PDE4B: variants seen among roughly 807,000 people sequenced by gnomAD.
PDE4B encodes the protein phosphodiesterase 4B.
PDE4B carries 20 observed loss-of-function variants against 82.2 expected under a neutral mutation model. The observed-to-expected ratio is 0.24, with a 90% CI of 0.17 to 0.35. The LOEUF is 0.35. PDE4B is among the 10% of genes least tolerant of loss of function. PDE4B has a pLI of 1.00. For synonymous variants in PDE4B, 320 were observed against 318.9 expected, an observed-to-expected ratio of 1.00 and a Z score of -0.04; for missense variants, 655 against 907.2, an observed-to-expected ratio of 0.72 and a Z score of 3.57.
intron 3 of PDE4B, among the ~76,000 whole-genome samples, chr1:66,087,309 G>A (rs530592404): frequency 1.2e-4 from 19 of 152,196 alleles, no homozygotes; most frequent in African/African-American, 4.6e-4. Context: ...AGAGTTTACG[G>A]CAATATCCTT....
intron 13 of PDE4B, among the ~76,000 whole-genome samples, chr1:66,366,544 T>C (rs1026387373): frequency 1.3e-5 from 2 of 152,222 alleles, no homozygotes; most frequent in African/African-American, 4.8e-5. Flanking sequence ...CTTTTTGAGC[T>C]ACTTGCTGTA....
intron 3 of PDE4B, among the ~76,000 whole-genome samples, chr1:66,155,294 T>C (rs1262577713): frequency 6.6e-6 from 1 of 152,072 alleles, no homozygotes; most frequent in Non-Finnish European, 1.5e-5. Context: ...TGCTCCTCTT[T>C]CCCTATATGT....
chr1:65,851,783 A>C (rs1056240859), intron 1 of PDE4B, among the ~76,000 whole-genome samples: 12 of 151,548 alleles, frequency 7.9e-5, no homozygotes, highest in East Asian at 1.9e-4. Flanking sequence ...CTCTTTTCTC[A>C]CCTTGCTGCT....
At chr1:65,880,227 G>C (rs1198465867) in intron 1 of PDE4B, among the ~76,000 whole-genome samples, 2 of 152,186 alleles carry the variant, frequency 1.3e-5, no homozygotes, top group Non-Finnish European at 2.9e-5. Context: ...CACCTCTGCT[G>C]CTTCATGACG....
At chr1:66,369,427 C>G (rs374381354) in intron 16 of PDE4B, among the ~76,000 whole-genome samples, 7 of 152,314 alleles carry the variant, frequency 4.6e-5, no homozygotes, top group African/African-American at 1.7e-4. Context: ...AGTCAAAGCC[C>G]TGTCTTGTCT....
chr1:66,142,197 G>C (rs1477589984), intron 3 of PDE4B, among the ~76,000 whole-genome samples: 1 of 152,062 alleles, frequency 6.6e-6, no homozygotes, highest in Non-Finnish European at 1.5e-5. Context: ...GGAAGGGGGT[G>C]GTCTTGCTGT....
chr1:65,974,652 G>T (rs893280690), intron 3 of PDE4B, among the ~76,000 whole-genome samples: 10 of 152,126 alleles, frequency 6.6e-5, no homozygotes, highest in African/African-American at 2.4e-4. Context: ...GAATCATGGG[G>T]GTGGAATTTC....
Position 66,266,073 on chromosome 1 carries a change from G to T in PDE4B, c.620G>T (p.Arg207Ile). 6.2e-7 allele frequency: 1 copy of T among 1,612,922 alleles called. No individual in the cohort carries two copies. The highest frequency in any genetic ancestry group is 1.1e-5 in the South Asian group (1 of 91,060). The change falls in exon 7 of 17, where the codon AGA (arginine) becomes ATA (isoleucine). Residue 207 changes from arginine to isoleucine, a missense_variant. Arg to Ile is a moderately conservative substitution (Grantham distance 97). Around this residue, in one of 3 missense-constraint regions of PDE4B, gnomAD observed 253 missense variants for 275.6 expected, o/e 0.92. Transcript: ENST00000341517. ...SPAASQPPVSRVNPQEESYQK... is the reference protein window; with the variant it reads ...SPAASQPPVSIVNPQEESYQK... ...GCTGCTAGTCAGCCTCCTGTCTCCA[G>T]AGTCAACCCACAAGGTAGGCCATGT...
intron 3 of PDE4B, among the ~76,000 whole-genome samples, chr1:66,082,268 C>T (rs1376611005): frequency 6.6e-6 from 1 of 152,074 alleles, no homozygotes; most frequent in East Asian, 1.9e-4. Context: ...GAACAAGGAG[C>T]CTCCTTTGTT....
chr1:65,951,854 G>C (rs912324647), intron 3 of PDE4B, among the ~76,000 whole-genome samples: 5 of 151,976 alleles, frequency 3.3e-5, no homozygotes, highest in African/African-American at 9.7e-5. Flanking sequence ...AAAATTCCAA[G>C]TATAATTCTA....
intron 7 of PDE4B, among the ~76,000 whole-genome samples, chr1:66,304,295 C>T (rs776332303): frequency 1.2e-4 from 18 of 152,096 alleles, no homozygotes; most frequent in African/African-American, 4.1e-4. Context: ...CAAAAGAGCA[C>T]GACTGGGTTC....
intron 3 of PDE4B, among the ~76,000 whole-genome samples, chr1:66,180,029 A>G (rs1356440984): frequency 6.6e-6 from 1 of 152,222 alleles, no homozygotes; most frequent in Non-Finnish European, 1.5e-5. Context: ...TCTAATGCTC[A>G]TGGATTCATT....
Position 65,918,656 on chromosome 1 carries a change from A to T in PDE4B, c.102A>T (p.Thr34=). The change falls in exon 3 of 17, where the codon ACA becomes ACT. Residue 34 remains threonine (T), a synonymous_variant. Transcript: ENST00000341517. ...AATCCTACAGTTCTTCCAGTAACAC[A>T]CTTGGGATCGACCTCTGGAGAGGGA... is the stretch of plus-strand genomic sequence containing the variant. The part of the protein sequence containing the change: ...LSKSYSSSSN[T]LGIDLWRGRR... The T allele has an allele frequency of 6.2e-7, 1 of 1,613,836 alleles. No individual in the cohort carries two copies. Among genetic ancestry groups the T allele is most frequent in the South Asian group, 1.1e-5 (1 of 91,078 alleles).
chr1:65,919,702 G>T (rs7537390), intron 3 of PDE4B, among the ~76,000 whole-genome samples: 1 of 151,868 alleles, frequency 6.6e-6, no homozygotes, highest in East Asian at 1.9e-4. Context: ...CAACATTATT[G>T]TAGTAAATTA....
chr1:65,810,190 TC>T lies in PDE4B; in HGVS notation c.-71+16944del, dbSNP rs371309774. 4.6e-3 allele frequency among the ~76,000 whole-genome samples: 695 copies of T among 152,370 alleles called. 6 individuals are homozygous for T. The highest frequency in any genetic ancestry group is 0.016 in the African/African-American group (659 of 41,582). ...GATAAATTATGGGATATTCCAAAAGTCCTTAGTCCACACTTTCTGCTCTAGC... is the reference window on the plus strand; with the variant it reads ...GATAAATTATGGGATATTCCAAAAGTCTTAGTCCACACTTTCTGCTCTAGC... On this transcript the variant is annotated intron_variant, in intron 1 of 16. Coordinates refer to ENST00000341517, the MANE Select transcript of PDE4B (RefSeq NM_002600.4).
intron 7 of PDE4B, among the ~76,000 whole-genome samples, chr1:66,315,449 G>A (rs879333943): frequency 4.0e-5 from 6 of 151,622 alleles, no homozygotes; most frequent in Admixed American, 1.3e-4. Flanking sequence ...TTTATTTTTT[G>A]GAGGCAGAGT....
chr1:66,179,982 A>G (rs1358108273), intron 3 of PDE4B, among the ~76,000 whole-genome samples: 4 of 152,140 alleles, frequency 2.6e-5, no homozygotes, highest in African/African-American at 9.7e-5. Flanking sequence ...GGATTTTAAA[A>G]CCTCATTGAC....
chr1:66,244,001 C>T lies in PDE4B; in HGVS notation c.282-3459C>T, dbSNP rs369760083. Among the ~76,000 whole-genome samples, 26 of 152,308 alleles carry T rather than the reference C, an allele frequency of 1.7e-4. 1 individual carries two copies. In the East Asian group the frequency reaches 3.7e-3, roughly 21 times the overall value. On this transcript the variant is annotated intron_variant, in intron 3 of 16. Transcript: ENST00000341517. ...CAGAAACTTGTGAGTAACTTCCTGT[C>T]TTAATCTATCTGAAACTTCTGTGTG...
At chr1:66,069,324 T>A (rs1273796466) in intron 3 of PDE4B, among the ~76,000 whole-genome samples, 1 of 152,032 alleles carries the variant, frequency 6.6e-6, no homozygotes, top group East Asian at 1.9e-4. Context: ...TCATAAAGCT[T>A]CGTTTATTGT....
Sources: allele counts gnomAD v4.1 joint callset (sites outside exome capture counted in the v4.1 genomes callset), GRCh38; gene constraint gnomAD v4.1.1; regional missense constraint gnomAD v4.1.1; transcripts MANE v1.5; gene names NCBI Gene and HGNC (gene_info 2026-07-23, HGNC 2026-07-21).